ZNF407: variants seen among roughly 807,000 people sequenced by gnomAD.
ZNF407 encodes the protein zinc finger protein 407.
ZNF407 carries 17 observed loss-of-function variants against 131.2 expected under a neutral mutation model. The observed-to-expected ratio is 0.13, with a 90% CI of 0.09 to 0.19. The LOEUF is 0.19. ZNF407 is among the 10% of genes least tolerant of loss of function. ZNF407 has a pLI of 1.00. For missense variants in ZNF407, 2,681 were observed against 2,830.6 expected (o/e 0.95, Z 1.20); for synonymous variants, 1,156 against 1,062.0 (o/e 1.09, Z -1.72).
intron 8 of ZNF407, among the ~76,000 whole-genome samples, chr18:74,982,167 C>CT (rs1423784112): frequency 1.3e-5 from 2 of 152,190 alleles, no homozygotes; most frequent in Non-Finnish European, 2.9e-5. Context: ...TTAGCATTCT[C>CT]TAAGGTTTCC....
At chr18:75,042,563 T>A (rs1463355248) in intron 8 of ZNF407, among the ~76,000 whole-genome samples, 1 of 152,236 alleles carries the variant, frequency 6.6e-6, no homozygotes, top group Non-Finnish European at 1.5e-5. Flanking sequence ...TCTGTGCTTA[T>A]ATGGAGTGCA....
At chr18:74,748,490 C>T (rs1322315518) in intron 3 of ZNF407, among the ~76,000 whole-genome samples, 1 of 151,982 alleles carries the variant, frequency 6.6e-6, no homozygotes, top group Non-Finnish European at 1.5e-5. Context: ...TATTTGAAAA[C>T]ATTAAAAGAC....
At chr18:74,960,153 T>A (rs1972322402) in intron 8 of ZNF407, among the ~76,000 whole-genome samples, 1 of 152,242 alleles carries the variant, frequency 6.6e-6, no homozygotes, top group Non-Finnish European at 1.5e-5. Context: ...ACTTTTAGGA[T>A]TATTGTGAAG....
chr18:74,894,376 C>CA (rs1265411723), intron 7 of ZNF407, among the ~76,000 whole-genome samples: 1 of 151,830 alleles, frequency 6.6e-6, no homozygotes, highest in Non-Finnish European at 1.5e-5. Flanking sequence ...AAAAAAATAA[C>CA]ATTTTTCTAT....
chr18:74,680,590 C>CT (rs1966960893), intron 3 of ZNF407, among the ~76,000 whole-genome samples: 2 of 152,168 alleles, frequency 1.3e-5, no homozygotes, highest in African/African-American at 4.8e-5. Flanking sequence ...TCCCGCCCCT[C>CT]TGTTTTTTTG....
intron 2 of ZNF407, among the ~76,000 whole-genome samples, chr18:74,638,652 G>A (rs769909246): frequency 7.9e-5 from 12 of 152,154 alleles, no homozygotes; most frequent in Non-Finnish European, 1.6e-4. Flanking sequence ...AAGATAGAGA[G>A]CCTCTTTAGT....
At chr18:74,700,290 TCTAGATAAAGCCAC>T (rs1184679602) in intron 3 of ZNF407, among the ~76,000 whole-genome samples, 1 of 152,246 alleles carries the variant, frequency 6.6e-6, no homozygotes, top group Admixed American at 6.5e-5. Context: ...CGGAGAAAGT[TCTAGATAAAGCCAC>T]CTAACTAGTT....
intron 3 of ZNF407, among the ~76,000 whole-genome samples, chr18:74,755,244 C>T (rs923203740): frequency 1.3e-5 from 2 of 151,804 alleles, no homozygotes; most frequent in African/African-American, 4.8e-5. Flanking sequence ...CTATTTGTGT[C>T]TCTGCACATG....
chr18:74,673,135 A>G (rs1008779844), intron 3 of ZNF407, among the ~76,000 whole-genome samples: 2 of 152,216 alleles, frequency 1.3e-5, no homozygotes, highest in Non-Finnish European at 2.9e-5. Context: ...TGAAGACTCT[A>G]TGCCTTATTG....
At chr18:74,993,894 T>G (rs1972747599) in intron 8 of ZNF407, among the ~76,000 whole-genome samples, 1 of 152,228 alleles carries the variant, frequency 6.6e-6, no homozygotes, top group Non-Finnish European at 1.5e-5. Flanking sequence ...TCTAAATGAC[T>G]GGCGTGTATT....
chr18:74,804,473 T>A (rs1449135181), intron 4 of ZNF407: 2 of 988,622 alleles, frequency 2.0e-6, no homozygotes, highest in African/African-American at 3.5e-5. Flanking sequence ...AGCACATGGA[T>A]CTTGGTTATT....
At chr18:74,911,729 C>T (rs1018218631) in intron 7 of ZNF407, among the ~76,000 whole-genome samples, 3 of 152,100 alleles carry the variant, frequency 2.0e-5, no homozygotes, top group Non-Finnish European at 4.4e-5. Context: ...TTTCTGAAGC[C>T]ATCCATGGCA....
intron 8 of ZNF407, among the ~76,000 whole-genome samples, chr18:75,004,642 G>T (rs1377698877): frequency 6.6e-6 from 1 of 152,214 alleles, no homozygotes; most frequent in Admixed American, 6.5e-5. Flanking sequence ...TTTCACCAGG[G>T]ATGGGCTGTT....
intron 3 of ZNF407, among the ~76,000 whole-genome samples, chr18:74,750,211 C>A (rs1304085965): frequency 6.6e-6 from 1 of 152,138 alleles, no homozygotes; most frequent in African/African-American, 2.4e-5. Context: ...TTAGGCATTA[C>A]TATATCTTAC....
At chr18:74,831,986 C>T (rs1340018641) in intron 4 of ZNF407, among the ~76,000 whole-genome samples, 1 of 152,232 alleles carries the variant, frequency 6.6e-6, no homozygotes, top group Non-Finnish European at 1.5e-5. Context: ...TCTGGACTAA[C>T]ACCTTACACT....
At position 74,815,007 on chromosome 18, in the gene ZNF407, A is replaced by G. The variant is rs1009123538; in HGVS notation, c.4877+33505A>G. ...TTATAAAATTTTACAATGTAAAATT[A>G]CATTATAAAATTGTTATTATAAAGA... On this transcript the variant is annotated intron_variant, in intron 4 of 8. Transcript: ENST00000299687. Among the ~76,000 whole-genome samples the G allele has an allele frequency of 7.9e-5, 12 of 152,048 alleles. No individual in the cohort carries two copies. In the South Asian group the frequency reaches 2.5e-3, roughly 32 times the overall value.
intron 3 of ZNF407, among the ~76,000 whole-genome samples, chr18:74,643,228 T>A (rs1034225245): frequency 9.9e-5 from 15 of 152,136 alleles, no homozygotes; most frequent in African/African-American, 3.6e-4. Flanking sequence ...GTCAATTCAT[T>A]ATCATTGATG....
chr18:74,831,772 A>T (rs1489456053), intron 4 of ZNF407, among the ~76,000 whole-genome samples: 1 of 151,994 alleles, frequency 6.6e-6, no homozygotes, highest in Non-Finnish European at 1.5e-5. Flanking sequence ...CATCACCCTG[A>T]GTGTGGGGAC....
At position 74,634,970 on chromosome 18, in the gene ZNF407, A is replaced by G. The variant is rs1236878196; in HGVS notation, c.3951A>G (p.Glu1317=). The G allele has an allele frequency of 6.2e-7, 1 of 1,614,044 alleles. No homozygotes were observed. Among genetic ancestry groups the G allele is most frequent in the South Asian group, 1.1e-5 (1 of 91,086 alleles). ...TGATGAATTCACAACATGAAACAGA[A>G]TTTATTTTGGAGGAGGATGGCCCAG... is the stretch of plus-strand genomic sequence containing the variant. ...EILMNSQHET[E]FILEEDGPAS... The change falls in exon 2 of 9, where the codon GAA becomes GAG. Residue 1317 remains glutamate (E), a synonymous_variant. Transcript: ENST00000299687.
Sources: allele counts gnomAD v4.1 joint callset (sites outside exome capture counted in the v4.1 genomes callset), GRCh38; gene constraint gnomAD v4.1.1; transcripts MANE v1.5; gene names NCBI Gene and HGNC (gene_info 2026-07-23, HGNC 2026-07-21).